Variants in ATP6V1H observed in about 807,000 individuals in gnomAD.
ATP6V1H encodes V-type proton ATPase subunit H.
Under a neutral mutation model 71.7 loss-of-function variants are expected in ATP6V1H, and 39 were observed. That is an observed-to-expected ratio of 0.54 (90% CI 0.42 to 0.71). ATP6V1H has a LOEUF of 0.71. ATP6V1H is among the 30% of genes least tolerant of loss of function. The pLI, the probability that ATP6V1H is intolerant of heterozygous loss-of-function variation, is 0.00. For synonymous variants in ATP6V1H, 192 were observed against 199.3 expected (o/e 0.96, Z 0.31); for missense variants, 509 against 594.9 (o/e 0.86, Z 1.50).
At chr8:53,808,275 C>G (rs972670308) in intron 7 of ATP6V1H, among the ~76,000 whole-genome samples, 2 of 152,244 alleles carry the variant, frequency 1.3e-5, no homozygotes, top group Non-Finnish European at 2.9e-5. Context: ...AGTATTCTTT[C>G]ATCAGGGCAT....
chr8:53,722,052 A>G (rs530242372), intron 13 of ATP6V1H, among the ~76,000 whole-genome samples: 26 of 152,368 alleles, frequency 1.7e-4, no homozygotes, highest in Admixed American at 8.5e-4. Flanking sequence ...AAAATTTGCA[A>G]TAACAAAGTT....
chr8:53,814,588 A>G, intron 6 of ATP6V1H, 74 bp downstream of exon 6: 1 of 830,574 alleles, frequency 1.2e-6, no homozygotes, highest in South Asian at 1.8e-5. Flanking sequence ...AATTTAACAT[A>G]TTTACTATAA....
chr8:53,823,192 A>G (rs902755402), intron 4 of ATP6V1H, among the ~76,000 whole-genome samples: 1 of 152,172 alleles, frequency 6.6e-6, no homozygotes, highest in Non-Finnish European at 1.5e-5. Context: ...AAGAAAGAAT[A>G]CATCTTCTCA....
In ATP6V1H at chr8:53,786,305, T is replaced by G. The variant is rs189745337; in HGVS notation, c.870+9342A>C. On this transcript the variant is annotated intron_variant, in intron 9 of 13. Coordinates refer to ENST00000359530, the MANE Select transcript of ATP6V1H (RefSeq NM_015941.4). Reference sequence around the variant, plus strand: ...TCTCAGACTGCTGTGCTAGCAATGATCGAGCCTCCGTGGGCACAGGATCCT... The same window carrying G: ...TCTCAGACTGCTGTGCTAGCAATGAGCGAGCCTCCGTGGGCACAGGATCCT... Among the ~76,000 whole-genome samples the G allele has an allele frequency of 2.2e-3, 338 of 152,302 alleles. 2 individuals carry two copies. The highest frequency in any genetic ancestry group is 7.9e-3 in the African/African-American group (327 of 41,572).
At chr8:53,740,271 T>C (rs1320969621) in intron 13 of ATP6V1H, among the ~76,000 whole-genome samples, 1 of 152,202 alleles carries the variant, frequency 6.6e-6, no homozygotes, top group South Asian at 2.1e-4. Context: ...ATACCTAAAA[T>C]TTTTTAAATT....
chr8:53,719,882 C>CA (rs1312552772), intron 13 of ATP6V1H, among the ~76,000 whole-genome samples: 1 of 152,174 alleles, frequency 6.6e-6, no homozygotes, highest in African/African-American at 2.4e-5. Context: ...GTGCAGAAGG[C>CA]AGACACTTCC....
intron 12 of ATP6V1H, among the ~76,000 whole-genome samples, chr8:53,752,900 C>A (rs1807853073): frequency 6.6e-6 from 1 of 152,002 alleles, no homozygotes; most frequent in South Asian, 2.1e-4. Flanking sequence ...GGTAAAAGAT[C>A]AAAAACAAAA....
intron 12 of ATP6V1H, among the ~76,000 whole-genome samples, chr8:53,745,874 C>T (rs1230490147): frequency 6.6e-6 from 1 of 152,250 alleles, no homozygotes; most frequent in Non-Finnish European, 1.5e-5. Flanking sequence ...ATTCACCACT[C>T]TACACATGTC....
Position 53,729,567 on chromosome 8 carries a change from GT to G in ATP6V1H, c.1392-13544del, listed in dbSNP as rs138000503. The stretch of plus-strand genomic sequence containing the variant: ...TTTTACACCCTGGGGGCCACATGAT[GT>G]GCTGGGCTAATGTGCTGAAGCTCAC... On this transcript the variant is annotated intron_variant, in intron 13 of 13. Transcript: ENST00000359530. Among the ~76,000 whole-genome samples the G allele has an allele frequency of 3.4e-3, 519 of 152,308 alleles. 5 individuals carry two copies. The highest frequency in any genetic ancestry group is 0.012 in the African/African-American group (502 of 41,542).
At chr8:53,726,307 T>G (rs1422554526) in intron 13 of ATP6V1H, among the ~76,000 whole-genome samples, 1 of 152,182 alleles carries the variant, frequency 6.6e-6, no homozygotes, top group Admixed American at 6.5e-5. Context: ...AATTGGAAGC[T>G]TTTTTCCCTT....
intron 5 of ATP6V1H, 33 bp from the exon 6 acceptor site, chr8:53,814,799 C>A (rs752129411): frequency 3.4e-6 from 5 of 1,453,698 alleles, no homozygotes; most frequent in Non-Finnish European, 4.8e-6. Flanking sequence ...TTTAACGCAA[C>A]ATTAATTCTA....
chr8:53,794,204 C>T (rs185293489), intron 9 of ATP6V1H, among the ~76,000 whole-genome samples: 8 of 151,972 alleles, frequency 5.3e-5, no homozygotes, highest in Admixed American at 3.9e-4. Context: ...AGTTATAGAC[C>T]AGTATAATAT....
chr8:53,739,379 G>C (rs956305758), intron 13 of ATP6V1H, among the ~76,000 whole-genome samples: 2 of 152,028 alleles, frequency 1.3e-5, no homozygotes, highest in African/African-American at 4.8e-5. Context: ...AAACACCAGA[G>C]AACAAAGTAA....
At chr8:53,822,621 A>G (rs1296373119) in intron 4 of ATP6V1H, among the ~76,000 whole-genome samples, 2 of 152,188 alleles carry the variant, frequency 1.3e-5, no homozygotes, top group African/African-American at 4.8e-5. Context: ...TAATGCACAC[A>G]GTAATCATAA....
chr8:53,825,216 A>T lies in ATP6V1H; in HGVS notation c.306+4228T>A, dbSNP rs554717132. On this transcript the variant is annotated intron_variant, in intron 4 of 13. Transcript: ENST00000359530. ...CTTATAAATTTATTATTAGTTTTTTAAATAGAGACAGGGTCTCACTATGTT... is the reference window on the plus strand; with the variant it reads ...CTTATAAATTTATTATTAGTTTTTTTAATAGAGACAGGGTCTCACTATGTT... 2.5e-3 allele frequency among the ~76,000 whole-genome samples: 385 copies of T among 152,206 alleles called. 1 individual carries two copies. Among genetic ancestry groups the T allele is most frequent in the Non-Finnish European group, 4.4e-3 (297 of 67,994 alleles).
chr8:53,838,049 A>G (rs1811217552), intron 2 of ATP6V1H, among the ~76,000 whole-genome samples: 1 of 151,982 alleles, frequency 6.6e-6, no homozygotes, highest in South Asian at 2.1e-4. Flanking sequence ...ATGTCCTCCC[A>G]GGCCTCAGCT....
chr8:53,778,147 G>A (rs558608253), intron 9 of ATP6V1H, among the ~76,000 whole-genome samples: 10 of 152,074 alleles, frequency 6.6e-5, no homozygotes, highest in African/African-American at 2.4e-4. Context: ...ATAAAATAGT[G>A]CAAAAACAAA....
chr8:53,821,162 T>C (rs554957606), intron 4 of ATP6V1H, among the ~76,000 whole-genome samples: 1 of 150,344 alleles, frequency 6.7e-6, no homozygotes, highest in South Asian at 2.1e-4. Flanking sequence ...TTTGAGGTCA[T>C]GAGTTTGAGA....
At chr8:53,799,744 G>C (rs549036134) in intron 8 of ATP6V1H, among the ~76,000 whole-genome samples, 108 of 152,232 alleles carry the variant, frequency 7.1e-4, no homozygotes, top group African/African-American at 2.6e-3. Context: ...TAGGTCATGA[G>C]GGCAGAGCAC....
Sources: gnomAD v4.1 joint callset for allele counts (sites outside exome capture counted in the v4.1 genomes callset) on GRCh38, gnomAD v4.1.1 for gene constraint, MANE v1.5 for transcripts, NCBI Gene and HGNC (gene_info 2026-07-23, HGNC 2026-07-21) for gene names.